VPS13B: variants seen among roughly 807,000 people sequenced by gnomAD.
VPS13B encodes the protein intermembrane lipid transfer protein VPS13B.
VPS13B carries 285 observed loss-of-function variants against 426.4 expected under a neutral mutation model. The observed-to-expected ratio is 0.67, with a 90% confidence interval of 0.61 to 0.74. The LOEUF (loss-of-function observed/expected upper bound fraction) is 0.74. Ranked by LOEUF, VPS13B falls within the 30% of genes least tolerant of loss-of-function variation. The probability of loss-of-function intolerance (pLI) is 0.00; values close to 1 mark genes in which losing one functional copy is unlikely to be tolerated. For missense variants in VPS13B, 4,537 were observed against 4,782.6 expected, an observed-to-expected ratio of 0.95 and a Z score of 1.51; for synonymous variants, 1,676 against 1,676.4, an observed-to-expected ratio of 1.00 and a Z score of 0.01.
intron 42 of VPS13B, among the ~76,000 whole-genome samples, chr8:99,780,099 T>G (rs1267769851): frequency 6.6e-6 from 1 of 152,190 alleles, no homozygotes; most frequent in Non-Finnish European, 1.5e-5. Context: ...CTGTTTTATG[T>G]TTTAAAAATA....
Position 99,445,242 on chromosome 8 carries a change from T to G in VPS13B, c.3445+2607T>G, listed in dbSNP as rs937096066. On this transcript the variant is annotated intron_variant, in intron 23 of 61. Transcript: ENST00000357162. ...TGAATATTTATATTATAAATTTATA[T>G]AATATAAATTGATATTATAAATTTT... Among the ~76,000 whole-genome samples, 3 of 148,604 alleles carry G rather than the reference T, an allele frequency of 2.0e-5. No homozygotes were observed. In the South Asian group the frequency reaches 6.2e-4, roughly 31 times the overall value.
intron 19 of VPS13B, among the ~76,000 whole-genome samples, chr8:99,351,472 G>A (rs1403405876): frequency 5.3e-5 from 8 of 150,652 alleles, no homozygotes; most frequent in African/African-American, 1.7e-4. Flanking sequence ...GTATGTATGT[G>A]TGTGTGTTTA....
chr8:99,589,389 T>A (rs1169870090), intron 33 of VPS13B, among the ~76,000 whole-genome samples: 1 of 151,542 alleles, frequency 6.6e-6, no homozygotes, highest in Non-Finnish European at 1.5e-5. Flanking sequence ...CAGTGTGTGA[T>A]GTTCCCCTTC....
chr8:99,768,165 G>A lies in VPS13B; in HGVS notation c.7247+1195G>A, dbSNP rs79975287. Among the ~76,000 whole-genome samples the A allele has an allele frequency of 5.3e-3, 814 of 152,222 alleles. 4 individuals are homozygous for A. Among genetic ancestry groups the A allele is most frequent in the Non-Finnish European group, 9.2e-3 (623 of 68,018 alleles). ...CATATACTATCATGTGTACTGTGAG[G>A]CTATGCTGTTCATTGCTGTGGATGC... On this transcript the variant is annotated intron_variant, in intron 40 of 61. Transcript: ENST00000357162.
At chr8:99,694,921 T>C (rs1388585185) in intron 35 of VPS13B, among the ~76,000 whole-genome samples, 1 of 151,942 alleles carries the variant, frequency 6.6e-6, no homozygotes, top group Non-Finnish European at 1.5e-5. Flanking sequence ...AGAAGACACT[T>C]ATGCAGCCAA....
At position 99,274,228 on chromosome 8, in the gene VPS13B, T is replaced by C. The variant is rs772137183; in HGVS notation, c.2546T>C (p.Leu849Pro). The C allele has an allele frequency of 6.2e-7, 1 of 1,614,186 alleles. No homozygotes were observed. Among genetic ancestry groups the C allele is most frequent in the South Asian group, 1.1e-5 (1 of 91,092 alleles). ...AAATCTAAGAATCCCCTGCCAACTC[T>C]TGAGGGCTCAATCCAGAATGTTGAA... ...GVKSKNPLPT[L>P]EGSIQNVELK... The change falls in exon 18 of 62, where the codon CTT becomes CCT. Residue 849 changes from leucine to proline, a missense_variant. By Grantham distance (98) the Leu-to-Pro change is moderately conservative. Around this residue, in one of 2 missense-constraint regions of VPS13B, gnomAD observed 4,311 missense variants for 4,474.3 expected, o/e 0.96. Transcript: ENST00000357162.
At chr8:99,337,172 A>C (rs956371702) in intron 19 of VPS13B, among the ~76,000 whole-genome samples, 11 of 152,108 alleles carry the variant, frequency 7.2e-5, no homozygotes, top group Non-Finnish European at 1.5e-4. Flanking sequence ...ACCATGGAAT[A>C]CTATGCAGCC....
chr8:99,369,167 C>T (rs368957309), intron 19 of VPS13B, among the ~76,000 whole-genome samples: 24 of 152,322 alleles, frequency 1.6e-4, no homozygotes, highest in African/African-American at 5.3e-4. Context: ...CTCTTTCCCA[C>T]TATCACCACA....
At chr8:99,264,210 CTT>C (rs572953275) in intron 17 of VPS13B, among the ~76,000 whole-genome samples, 5 of 141,154 alleles carry the variant, frequency 3.5e-5, no homozygotes, top group African/African-American at 7.8e-5. Flanking sequence ...TTTTTGGAGT[CTT>C]TTTTTTTTTA....
intron 19 of VPS13B, among the ~76,000 whole-genome samples, chr8:99,344,611 A>G (rs1388246687): frequency 6.6e-6 from 1 of 152,146 alleles, no homozygotes; most frequent in Admixed American, 6.5e-5. Flanking sequence ...TGAGACTTAT[A>G]TGGATTTTTG....
intron 33 of VPS13B, among the ~76,000 whole-genome samples, chr8:99,584,283 TAAAC>T (rs1396176232): frequency 6.6e-6 from 1 of 152,202 alleles, no homozygotes; most frequent in Non-Finnish European, 1.5e-5. Context: ...TTTCTCCTGA[TAAAC>T]AAGCTTGTGC....
intron 3 of VPS13B, among the ~76,000 whole-genome samples, chr8:99,084,814 A>G (rs897695692): frequency 2.0e-5 from 3 of 152,172 alleles, no homozygotes. Flanking sequence ...CTGTGGTCTG[A>G]GAGACAGTTT....
chr8:99,481,480 G>T (rs2133555799), intron 24 of VPS13B, 119 bp from the exon 25 acceptor site: 1 of 1,122,524 alleles, frequency 8.9e-7, no homozygotes, highest in Non-Finnish European at 1.3e-6. Context: ...TGCATTGGTA[G>T]AGTTTGTTTT....
At chr8:99,433,804 T>C (rs1030621255) in intron 22 of VPS13B, among the ~76,000 whole-genome samples, 1 of 152,114 alleles carries the variant, frequency 6.6e-6, no homozygotes, top group Non-Finnish European at 1.5e-5. Flanking sequence ...GTTAACTTTT[T>C]GTTTGTTTCT....
intron 5 of VPS13B, among the ~76,000 whole-genome samples, chr8:99,108,030 A>G (rs939832943): frequency 1.3e-5 from 2 of 152,024 alleles, no homozygotes; most frequent in African/African-American, 4.8e-5. Context: ...CTTGGTATTT[A>G]TTGTTGCCTT....
chr8:99,273,334 C>CT (rs201417620), intron 17 of VPS13B, among the ~76,000 whole-genome samples: 29 of 147,172 alleles, frequency 2.0e-4, no homozygotes, highest in Admixed American at 4.7e-4. Context: ...AATTTTTGTA[C>CT]TTTTTTTTTT....
chr8:99,834,417 A>C (rs1310259176), intron 52 of VPS13B, among the ~76,000 whole-genome samples: 1 of 152,192 alleles, frequency 6.6e-6, no homozygotes, highest in African/African-American at 2.4e-5. Flanking sequence ...ACATTTTTTA[A>C]GGTGTGATGG....
chr8:99,814,197 T>TA (rs1220926264), intron 44 of VPS13B, among the ~76,000 whole-genome samples: 1 of 152,224 alleles, frequency 6.6e-6, no homozygotes, highest in Admixed American at 6.5e-5. Flanking sequence ...TTTATTGGTG[T>TA]AAATAATAGT....
chr8:99,426,125 A>G (rs1223765210), intron 21 of VPS13B, among the ~76,000 whole-genome samples: 2 of 143,044 alleles, frequency 1.4e-5, no homozygotes, highest in Non-Finnish European at 3.0e-5. Flanking sequence ...ATGTGATCTC[A>G]TTGTTCAATT....
Sources: allele counts gnomAD v4.1 joint callset (sites outside exome capture counted in the v4.1 genomes callset), GRCh38; gene constraint gnomAD v4.1.1; regional missense constraint gnomAD v4.1.1; transcripts MANE v1.5; gene names NCBI Gene and HGNC (gene_info 2026-07-23, HGNC 2026-07-21).